Variants in KLHDC8A observed in about 807,000 individuals in gnomAD.
KLHDC8A encodes the protein kelch domain containing 8A.
In KLHDC8A, 21 loss-of-function variants were observed where a neutral mutation model predicts 33.1. The observed-to-expected ratio is 0.64, with a 90% CI of 0.45 to 0.91. The LOEUF is 0.91. Among genes scored for constraint, KLHDC8A ranks in the 40% least tolerant of loss-of-function variants. KLHDC8A has a pLI of 0.00. For missense variants in KLHDC8A, 435 were observed against 483.3 expected, an observed-to-expected ratio of 0.90 and a Z score of 0.94; for synonymous variants, 173 against 193.5, an observed-to-expected ratio of 0.89 and a Z score of 0.88.
intron 5 of KLHDC8A, 149 bp from the exon 6 acceptor site, chr1:205,337,741 G>A (rs1662675097): frequency 1.6e-6 from 1 of 609,514 alleles, no homozygotes; most frequent in African/African-American, 1.9e-5. Context: ...CCTTTACTAA[G>A]CCAGTGGCTT....
At chr1:205,345,250 A>T (rs907649019) in intron 1 of KLHDC8A, among the ~76,000 whole-genome samples, 1 of 152,206 alleles carries the variant, frequency 6.6e-6, no homozygotes, top group Non-Finnish European at 1.5e-5. Flanking sequence ...TCTGAACCTC[A>T]GTTTCTTATA....
At chr1:205,354,785 G>T (rs1327268363) in intron 1 of KLHDC8A, among the ~76,000 whole-genome samples, 2 of 152,218 alleles carry the variant, frequency 1.3e-5, no homozygotes, top group Non-Finnish European at 2.9e-5. Flanking sequence ...ATGAATGGAT[G>T]AATAAGGCAA....
Position 205,338,539 on chromosome 1 carries a change from A to G in KLHDC8A, c.815T>C (p.Val272Ala). ...GACCCGTCCACTCAGAGAGCCAGCCACAAAATCTGCCCGCCGCTTCTTGAG... is the reference window on the plus strand; with the variant it reads ...GACCCGTCCACTCAGAGAGCCAGCCGCAAAATCTGCCCGCCGCTTCTTGAG... ...FFLKKRRADF[V>A]AGSLSGRVIV... The change falls in exon 5 of 6, where the codon GTG becomes GCG. Residue 272 changes from valine to alanine, a missense_variant. Coordinates refer to ENST00000367155, the MANE Select transcript of KLHDC8A (RefSeq NM_018203.3). The G allele has an allele frequency of 1.9e-6, 3 of 1,614,184 alleles. No homozygotes were observed. The highest frequency in any genetic ancestry group is 2.5e-6 in the Non-Finnish European group (3 of 1,180,030).
At chr1:205,347,039 T>C (rs1003126262) in intron 1 of KLHDC8A, among the ~76,000 whole-genome samples, 1 of 152,208 alleles carries the variant, frequency 6.6e-6, no homozygotes, top group Non-Finnish European at 1.5e-5. Context: ...AACAACAGGA[T>C]GTCTTCCAGA....
intron 1 of KLHDC8A, among the ~76,000 whole-genome samples, chr1:205,350,266 C>T (rs1324004661): frequency 6.6e-6 from 1 of 152,128 alleles, no homozygotes; most frequent in African/African-American, 2.4e-5. Context: ...GTGACAGCTG[C>T]AGCTGTGGCG....
chr1:205,343,961 C>T (rs1165729553), intron 1 of KLHDC8A, among the ~76,000 whole-genome samples, 168 bp from the exon 2 acceptor site: 1 of 152,198 alleles, frequency 6.6e-6, no homozygotes, highest in Admixed American at 6.5e-5. Flanking sequence ...CGCCCCCTCC[C>T]CACCCGCTGC....
intron 1 of KLHDC8A, among the ~76,000 whole-genome samples, chr1:205,349,415 G>C (rs1029931180): frequency 6.6e-6 from 1 of 152,206 alleles, no homozygotes; most frequent in Admixed American, 6.5e-5. Context: ...CTGTTCATCT[G>C]TAAGCAACTT....
chr1:205,345,305 A>G (rs1662915239), intron 1 of KLHDC8A, among the ~76,000 whole-genome samples: 1 of 152,232 alleles, frequency 6.6e-6, no homozygotes, highest in African/African-American at 2.4e-5. Flanking sequence ...CTAGAGTTTT[A>G]ATTTTGAGAA....
At chr1:205,346,034 A>G (rs1892040) in intron 1 of KLHDC8A, among the ~76,000 whole-genome samples, 144,564 of 152,290 alleles carry the variant, frequency 0.95, 68,812 homozygotes, top group East Asian at 1. Flanking sequence ...AGATTGCACC[A>G]TTGCACTCCA....
intron 1 of KLHDC8A, among the ~76,000 whole-genome samples, chr1:205,355,834 G>A (rs149484633): frequency 1.5e-4 from 23 of 152,268 alleles, no homozygotes; most frequent in Admixed American, 7.8e-4. Context: ...GGTAAGCATC[G>A]GAAGGCAGGA....
chr1:205,350,658 T>C lies in KLHDC8A; in HGVS notation c.-190+5875A>G, dbSNP rs184155625. Among the ~76,000 whole-genome samples, 392 of 152,282 alleles carry C rather than the reference T, an allele frequency of 2.6e-3. 1 individual carries two copies. Among genetic ancestry groups the C allele is most frequent in the African/African-American group, 9.1e-3 (377 of 41,558 alleles). The stretch of plus-strand genomic sequence containing the variant: ...CAGCAGCATCCTCCATTCTTCTTAA[T>C]TAAAAAGAGCTCCACGTCCTGGCAG... On this transcript the variant is annotated intron_variant, in intron 1 of 5. Transcript: ENST00000367155.
Position 205,339,749 on chromosome 1 carries a change from G to A in KLHDC8A, c.436C>T (p.Gln146Ter), listed in dbSNP as rs552342665. The A allele has an allele frequency of 3.9e-5, 63 of 1,614,182 alleles. No individual in the cohort carries two copies. The highest frequency in any genetic ancestry group is 5.0e-5 in the Admixed American group (3 of 60,032). The change falls in exon 3 of 6, where the codon CAA (glutamine) becomes TAA (stop). Residue 146 changes from glutamine to a stop codon, truncating the protein, a stop_gained. Transcript: ENST00000367155. LOFTEE classifies it high-confidence loss of function. This position sits in a 1 kb window ranked among gnomAD's most constrained non-coding sequence, Gnocchi z 5.1. ...GLDLRPHNHL[Q>*]HYDMLKDMWV... ...ATGTCCTTCAGCATGTCATAGTGTT[G>A]GAGGTGGTTGTGTGGACGTAGGTCC...
chr1:205,338,932 C>CTG (rs1378173150), intron 4 of KLHDC8A, among the ~76,000 whole-genome samples: 1 of 152,034 alleles, frequency 6.6e-6, no homozygotes, highest in African/African-American at 2.4e-5. Context: ...TGACCTGGTC[C>CTG]TGTGTGAATA....
rs529684829 is a variant in KLHDC8A, at chr1:205,339,575, A to G, written c.541+69T>C. On this transcript the variant is annotated intron_variant, in intron 3 of 5. Coordinates refer to ENST00000367155, the MANE Select transcript of KLHDC8A (RefSeq NM_018203.3). This position sits in a 1 kb window ranked among gnomAD's most constrained non-coding sequence, Gnocchi z 5.1. ...CCGAGGAGATGCTCAGCACACAGGC[A>G]CTGCTTCCTATGGGAACTGAGCCAA... The G allele has an allele frequency of 5.2e-6, 8 of 1,552,514 alleles. No individual in the cohort carries two copies. Among genetic ancestry groups the G allele is most frequent in the East Asian group, 2.3e-5 (1 of 44,428 alleles).
intron 1 of KLHDC8A, 98 bp from the exon 2 acceptor site, chr1:205,343,891 A>G (rs1662869853): frequency 2.5e-6 from 1 of 402,810 alleles, no homozygotes; most frequent in Non-Finnish European, 4.4e-6. Context: ...TTCACTGGGA[A>G]GACGCGGCGG....
At chr1:205,353,240 G>C (rs572974078) in intron 1 of KLHDC8A, among the ~76,000 whole-genome samples, 3 of 151,766 alleles carry the variant, frequency 2.0e-5, no homozygotes, top group African/African-American at 7.2e-5. Context: ...AAATGATTGG[G>C]GAAAAAAAAT....
chr1:205,356,437 C>T (rs1389222537), intron 1 of KLHDC8A, 96 bp downstream of exon 1: 2 of 434,654 alleles, frequency 4.6e-6, no homozygotes, highest in East Asian at 7.3e-5. Context: ...ACCTGGGCAG[C>T]CCTCCTCTCA....
chr1:205,355,392 G>A lies in KLHDC8A; in HGVS notation c.-190+1141C>T, dbSNP rs112315290. Among the ~76,000 whole-genome samples, 618 of 152,118 alleles carry A rather than the reference G, an allele frequency of 4.1e-3. 4 individuals carry two copies. The highest frequency in any genetic ancestry group is 0.012 in the African/African-American group (487 of 41,486). ...TTGGCCTGAATGCCGCCTCCTCCACGCCTTGCATGATCCCTGCAGGCAAGA... is the reference window on the plus strand; with the variant it reads ...TTGGCCTGAATGCCGCCTCCTCCACACCTTGCATGATCCCTGCAGGCAAGA... On this transcript the variant is annotated intron_variant, in intron 1 of 5. Transcript: ENST00000367155.
intron 1 of KLHDC8A, among the ~76,000 whole-genome samples, chr1:205,345,951 G>T (rs1018613066): frequency 6.6e-6 from 1 of 152,188 alleles, no homozygotes; most frequent in African/African-American, 2.4e-5. Context: ...ATGCATGCCT[G>T]TAATCCCAAC....
Sources: allele counts gnomAD v4.1 joint callset (sites outside exome capture counted in the v4.1 genomes callset), GRCh38; gene constraint gnomAD v4.1.1; non-coding constraint Gnocchi (gnomAD v3.1); transcripts MANE v1.5; gene names NCBI Gene and HGNC (gene_info 2026-07-23, HGNC 2026-07-21).